CWC27: variants seen among roughly 807,000 people sequenced by gnomAD.
CWC27 encodes spliceosome-associated protein CWC27 homolog.
Under a neutral mutation model 63.6 loss-of-function variants are expected in CWC27, and 47 were observed. The ratio of observed to expected loss-of-function variants is 0.74; its 90% CI spans 0.58 to 0.94. The LOEUF (loss-of-function observed/expected upper bound fraction) is 0.94. CWC27 is among the 40% of genes least tolerant of loss of function. The pLI is 0.00. For synonymous variants in CWC27, 175 were observed against 179.8 expected, an observed-to-expected ratio of 0.97 and a Z score of 0.22; for missense variants, 495 against 554.3, an observed-to-expected ratio of 0.89 and a Z score of 1.07.
intron 7 of CWC27, among the ~76,000 whole-genome samples, chr5:64,795,997 T>TTG (rs1744249560): frequency 6.0e-5 from 8 of 133,754 alleles, no homozygotes; most frequent in South Asian, 2.5e-4. Context: ...TAAAAAGAAA[T>TTG]TGTGCGTGTG....
chr5:64,869,111 T>C (rs1038393287), intron 10 of CWC27, among the ~76,000 whole-genome samples: 11 of 152,054 alleles, frequency 7.2e-5, no homozygotes, highest in Admixed American at 6.6e-5. Flanking sequence ...ATAAATTTAC[T>C]TCATAAAAGA....
At chr5:64,965,331 A>G (rs1748992618) in intron 11 of CWC27, among the ~76,000 whole-genome samples, 2 of 152,228 alleles carry the variant, frequency 1.3e-5, no homozygotes, top group African/African-American at 4.8e-5. Flanking sequence ...TCAGAGGACA[A>G]AAAGTCAAGT....
intron 13 of CWC27, among the ~76,000 whole-genome samples, chr5:65,016,433 C>T (rs915234074): frequency 2.0e-5 from 3 of 151,828 alleles, no homozygotes; most frequent in Non-Finnish European, 4.4e-5. Context: ...CCCAGGAGTT[C>T]GAGACCATCT....
chr5:64,944,620 A>G (rs1233643267), intron 11 of CWC27, among the ~76,000 whole-genome samples: 1 of 152,160 alleles, frequency 6.6e-6, no homozygotes, highest in African/African-American at 2.4e-5. Context: ...TCCCTGTCTC[A>G]GTTAATTTTG....
chr5:64,786,330 A>G (rs901322151), intron 5 of CWC27, among the ~76,000 whole-genome samples, 194 bp from the exon 6 acceptor site: 1 of 152,154 alleles, frequency 6.6e-6, no homozygotes, highest in African/African-American at 2.4e-5. Context: ...ACTTAATAGC[A>G]CATAGGATTA....
chr5:64,787,526 C>A (rs1743930308), intron 6 of CWC27, among the ~76,000 whole-genome samples: 1 of 151,528 alleles, frequency 6.6e-6, no homozygotes, highest in Non-Finnish European at 1.5e-5. Flanking sequence ...TTGTATTTAA[C>A]TTTTTACTCC....
At chr5:64,879,978 G>A (rs1190843252) in intron 10 of CWC27, among the ~76,000 whole-genome samples, 1 of 151,912 alleles carries the variant, frequency 6.6e-6, no homozygotes, top group Non-Finnish European at 1.5e-5. Flanking sequence ...GTTTTAGCAT[G>A]TACCCTGTTT....
intron 13 of CWC27, among the ~76,000 whole-genome samples, chr5:65,012,732 C>A (rs1294349488): frequency 2.0e-5 from 3 of 152,140 alleles, no homozygotes; most frequent in Non-Finnish European, 4.4e-5. Flanking sequence ...ACTTGAGTTT[C>A]TTTGAGTAGT....
intron 11 of CWC27, among the ~76,000 whole-genome samples, chr5:64,961,547 T>C (rs1376219514): frequency 6.6e-6 from 1 of 152,224 alleles, no homozygotes; most frequent in Non-Finnish European, 1.5e-5. Flanking sequence ...GATACTTACA[T>C]TGTAAGTGAT....
chr5:64,840,506 C>G (rs1465303674), intron 10 of CWC27, among the ~76,000 whole-genome samples: 1 of 142,578 alleles, frequency 7.0e-6, no homozygotes, highest in African/African-American at 2.6e-5. Flanking sequence ...GCATAGAACT[C>G]TTAATATTTT....
chr5:64,819,507 G>A (rs538656965), intron 10 of CWC27, among the ~76,000 whole-genome samples: 11 of 151,928 alleles, frequency 7.2e-5, no homozygotes, highest in South Asian at 4.2e-4. Flanking sequence ...GTCTTTCCTC[G>A]TGCTGTTCTC....
Position 64,977,140 on chromosome 5 carries a change from T to G in CWC27, c.1158T>G (p.Leu386=). 1 of 1,603,518 alleles carries G rather than the reference T, an allele frequency of 6.2e-7. No homozygotes were observed. ...CAGTCTAATTGTTATTTCAGACCCT[T>G]GCACTGCTGAACCAGTTTAAATCTA... ...KKGTSREDQT[L]ALLNQFKSKL... is the part of the protein sequence containing the mutation. Residue 386 remains leucine, a synonymous_variant, in exon 13 of 14, where the codon CTT becomes CTG. Coordinates refer to ENST00000381070, the MANE Select transcript of CWC27 (RefSeq NM_005869.4).
Position 64,810,040 on chromosome 5 carries a change from G to A in CWC27, c.938+5654G>A, listed in dbSNP as rs181651871. Among the ~76,000 whole-genome samples, 18 of 151,690 alleles carry A rather than the reference G, an allele frequency of 1.2e-4. 1 individual carries two copies. Among genetic ancestry groups the A allele is most frequent in the African/African-American group, 3.1e-4 (13 of 41,354 alleles). On this transcript the variant is annotated intron_variant, in intron 10 of 13. Coordinates refer to ENST00000381070, the MANE Select transcript of CWC27 (RefSeq NM_005869.4). Reference sequence around the variant, plus strand: ...AGCTTTACAGTTTCAGGCCTTATCCGTAAGTCTTTTATCCATTTGGAGTTG... The same window carrying A: ...AGCTTTACAGTTTCAGGCCTTATCCATAAGTCTTTTATCCATTTGGAGTTG...
At chr5:64,919,853 G>A (rs570526394) in intron 11 of CWC27, among the ~76,000 whole-genome samples, 2 of 152,250 alleles carry the variant, frequency 1.3e-5, no homozygotes, top group South Asian at 4.1e-4. Flanking sequence ...TGATTTTTGT[G>A]TGTTTGTTTT....
intron 10 of CWC27, among the ~76,000 whole-genome samples, chr5:64,851,216 C>T (rs1370930220): frequency 6.6e-6 from 1 of 152,158 alleles, no homozygotes; most frequent in African/African-American, 2.4e-5. Context: ...GAATACTTTT[C>T]AGCTTTGCAA....
At chr5:64,831,769 A>T (rs7701749) in intron 10 of CWC27, among the ~76,000 whole-genome samples, 53,423 of 151,584 alleles carry the variant, frequency 0.35, 9,859 homozygotes, top group East Asian at 0.51. Context: ...TTCACATAAA[A>T]AACATACATT....
chr5:64,808,399 G>T (rs1246298086), intron 10 of CWC27: 1 of 919,320 alleles, frequency 1.1e-6, no homozygotes, highest in Non-Finnish European at 1.3e-6. Flanking sequence ...GTAATATTAG[G>T]TTACATATAC....
At chr5:64,946,845 G>A (rs911345655) in intron 11 of CWC27, among the ~76,000 whole-genome samples, 2 of 152,036 alleles carry the variant, frequency 1.3e-5, no homozygotes, top group African/African-American at 4.8e-5. Context: ...CAGCTGATGA[G>A]GACTTAACAT....
At chr5:64,943,762 G>A (rs1188117069) in intron 11 of CWC27, among the ~76,000 whole-genome samples, 1 of 152,126 alleles carries the variant, frequency 6.6e-6, no homozygotes, top group African/African-American at 2.4e-5. Context: ...TCATAGAAAA[G>A]CATCCAAAAC....
Sources: allele counts gnomAD v4.1 joint callset (sites outside exome capture counted in the v4.1 genomes callset), GRCh38; gene constraint gnomAD v4.1.1; transcripts MANE v1.5; gene names NCBI Gene and HGNC (gene_info 2026-07-23, HGNC 2026-07-21).